FMNL2: variants seen among roughly 807,000 people sequenced by gnomAD.
FMNL2 encodes formin like 2, also known as formin-like protein 2.
In FMNL2, 51 loss-of-function variants were observed where a neutral mutation model predicts 130.2. That is an observed-to-expected ratio of 0.39 (90% CI 0.31 to 0.49). FMNL2 has a LOEUF of 0.49. FMNL2 is among the 20% of genes least tolerant of loss of function. The pLI, the probability that FMNL2 is intolerant of heterozygous loss-of-function variation, is 0.85. For missense variants in FMNL2, 977 were observed against 1,316.2 expected (o/e 0.74, Z 3.99); for synonymous variants, 465 against 467.1 (o/e 1.00, Z 0.06).
intron 1 of FMNL2, among the ~76,000 whole-genome samples, chr2:152,347,617 T>G (rs1682203370): frequency 6.6e-6 from 1 of 152,016 alleles, no homozygotes; most frequent in Non-Finnish European, 1.5e-5. Flanking sequence ...GGTACAAAAT[T>G]TATGTGCTCC....
chr2:152,615,750 C>T (rs1698913255), intron 12 of FMNL2, among the ~76,000 whole-genome samples: 2 of 152,226 alleles, frequency 1.3e-5, no homozygotes, highest in Non-Finnish European at 2.9e-5. Flanking sequence ...TTTGGTGAGT[C>T]TGGTGAGCAC....
At chr2:152,543,388 T>C (rs1694425545) in intron 3 of FMNL2, among the ~76,000 whole-genome samples, 1 of 152,090 alleles carries the variant, frequency 6.6e-6, no homozygotes, top group African/African-American at 2.4e-5. Flanking sequence ...TGGTTTAAAC[T>C]GATGCCTCGT....
intron 3 of FMNL2, among the ~76,000 whole-genome samples, chr2:152,543,079 C>T (rs1694402149): frequency 1.3e-5 from 2 of 152,228 alleles, no homozygotes; most frequent in South Asian, 2.1e-4. Flanking sequence ...TTTCCAATTA[C>T]GTAGGGCAGT....
At chr2:152,344,316 T>G (rs567922353) in intron 1 of FMNL2, among the ~76,000 whole-genome samples, 1 of 152,174 alleles carries the variant, frequency 6.6e-6, no homozygotes. Context: ...CTAGATGTTT[T>G]CCCCCTTTTT....
intron 1 of FMNL2, among the ~76,000 whole-genome samples, chr2:152,421,548 C>G (rs2106044771): frequency 6.6e-6 from 1 of 152,248 alleles, no homozygotes; most frequent in East Asian, 1.9e-4. Context: ...ACAGACATGA[C>G]TAAGAGTAGA....
rs746669363 is a variant in FMNL2, at chr2:152,619,546, G to GCCA, written c.1667_1668insACC (p.Pro573dup). On this transcript the variant is annotated inframe_insertion, in exon 15 of 26. Coordinates refer to ENST00000288670, the MANE Select transcript of FMNL2 (RefSeq NM_052905.4). Reference sequence around the variant, plus strand: ...CAGTAACACCACCTATGCCACCGCCGCCGCCGCCCCCTCCTCCACCTCCTC... The same window carrying GCCA: ...CAGTAACACCACCTATGCCACCGCCGCCACCGCCGCCCCCTCCTCCACCTCCTC... The GCCA allele has an allele frequency of 1.6e-5, 22 of 1,396,654 alleles. No individual in the cohort carries two copies. Among genetic ancestry groups the GCCA allele is most frequent in the East Asian group, 5.6e-5 (2 of 35,904 alleles). The allele number at this position is 1,396,654 out of a possible 1,614,324, so 86.5% of individuals were successfully genotyped here.
intron 1 of FMNL2, among the ~76,000 whole-genome samples, chr2:152,470,907 A>C (rs1294515140): frequency 6.6e-6 from 1 of 152,212 alleles, no homozygotes; most frequent in Non-Finnish European, 1.5e-5. Context: ...GCAGAGCAGG[A>C]ACTTTGTAGT....
intron 1 of FMNL2, among the ~76,000 whole-genome samples, chr2:152,382,218 G>T (rs1010794270): frequency 1.3e-5 from 2 of 152,172 alleles, no homozygotes; most frequent in African/African-American, 4.8e-5. Flanking sequence ...GGTACCCAAA[G>T]AACCAACTCA....
chr2:152,372,468 A>T (rs1469196859), intron 1 of FMNL2, among the ~76,000 whole-genome samples: 1 of 152,194 alleles, frequency 6.6e-6, no homozygotes, highest in East Asian at 1.9e-4. Context: ...AGAGTTTGAC[A>T]TAGGGTTCTT....
intron 1 of FMNL2, among the ~76,000 whole-genome samples, chr2:152,361,167 G>A (rs1286574545): frequency 6.6e-6 from 1 of 151,976 alleles, no homozygotes; most frequent in Non-Finnish European, 1.5e-5. Flanking sequence ...TTTGTAAAAG[G>A]CTTTTTTTTA....
At chr2:152,412,449 TA>T (rs1558840720) in intron 1 of FMNL2, among the ~76,000 whole-genome samples, 391 of 10,082 alleles carry the variant, frequency 0.039, 6 homozygotes, top group Middle Eastern at 0.1. Context: ...GTATATTTTA[TA>T]TATATATATA....
At chr2:152,545,809 A>G (rs533349359) in intron 3 of FMNL2, among the ~76,000 whole-genome samples, 70 of 152,156 alleles carry the variant, frequency 4.6e-4, no homozygotes, top group Non-Finnish European at 7.8e-4. Flanking sequence ...AAGTGTTAGC[A>G]CTCATTGTGT....
At position 152,364,259 on chromosome 2, in the gene FMNL2, G is replaced by GTTTTTTTTTTTTT. The variant is rs1163993397; in HGVS notation, c.117+28540_117+28541insTTTTTTTTTTTTT. On this transcript the variant is annotated intron_variant, in intron 1 of 25. Transcript: ENST00000288670. Reference sequence around the variant, plus strand: ...GTTTCACATCCGTTAGGAGGTTTGTGTGTTTTTTTTTTTTTTTTTTTTTTT... The same window carrying GTTTTTTTTTTTTT: ...GTTTCACATCCGTTAGGAGGTTTGTGTTTTTTTTTTTTTTGTTTTTTTTTTTTTTTTTTTTTTT... Among the ~76,000 whole-genome samples, 18 of 100,758 alleles carry GTTTTTTTTTTTTT rather than the reference G, an allele frequency of 1.8e-4. 1 individual carries two copies. Among genetic ancestry groups the GTTTTTTTTTTTTT allele is most frequent in the South Asian group, 3.3e-4 (1 of 3,010 alleles). 66.1% of individuals were successfully genotyped at this position (100,758 alleles called of 152,430 possible).
At chr2:152,518,707 T>C (rs113331887) in intron 1 of FMNL2, among the ~76,000 whole-genome samples, 74 of 152,286 alleles carry the variant, frequency 4.9e-4, no homozygotes, top group African/African-American at 1.7e-3. Flanking sequence ...TTTCACTTAA[T>C]ATTTCTGACA....
In FMNL2 at chr2:152,358,714, C is replaced by A. The variant is rs1579471337; in HGVS notation, c.117+22994C>A. On this transcript the variant is annotated intron_variant, in intron 1 of 25. Transcript: ENST00000288670. ...ATTAGTTCTGTTCCTTTAGAGAACC[C>A]TGATGAATACAATAACTACTGCAAA... is the stretch of plus-strand genomic sequence containing the variant. 2.0e-5 allele frequency among the ~76,000 whole-genome samples: 3 copies of A among 152,112 alleles called. No homozygotes were observed. The South Asian group carries it at 6.2e-4, about 32-fold the overall frequency.
chr2:152,427,003 G>A (rs1027152998), intron 1 of FMNL2, among the ~76,000 whole-genome samples: 2 of 152,198 alleles, frequency 1.3e-5, no homozygotes, highest in Non-Finnish European at 2.9e-5. Context: ...CACATGGCAT[G>A]TAATAGCGAG....
intron 25 of FMNL2, among the ~76,000 whole-genome samples, chr2:152,641,638 A>G (rs762262581): frequency 6.6e-6 from 1 of 152,218 alleles, no homozygotes; most frequent in Admixed American, 6.5e-5. Flanking sequence ...TACTGAAAAT[A>G]GTATGATGAG....
Position 152,464,509 on chromosome 2 carries a change from T to C in FMNL2, c.118-57434T>C, listed in dbSNP as rs74964083. On this transcript the variant is annotated intron_variant, in intron 1 of 25. Coordinates refer to ENST00000288670, the MANE Select transcript of FMNL2 (RefSeq NM_052905.4). ...TGAAATTTGTCCACTCCAGTGAAAT[T>C]GTTTGGGGGAGAAGGGAGCAGAGTA... is the stretch of plus-strand genomic sequence containing the variant. Among the ~76,000 whole-genome samples, 1,293 of 152,264 alleles carry C rather than the reference T, an allele frequency of 8.5e-3. 5 individuals carry two copies. Among genetic ancestry groups the C allele is most frequent in the Non-Finnish European group, 0.015 (1,040 of 68,012 alleles).
intron 1 of FMNL2, among the ~76,000 whole-genome samples, chr2:152,473,172 A>G (rs746899986): frequency 3.9e-5 from 6 of 152,222 alleles, no homozygotes; most frequent in East Asian, 1.9e-4. Context: ...AAGAAAGGCA[A>G]TCTTTTTTTC....
Sources: gnomAD v4.1 joint callset for allele counts (sites outside exome capture counted in the v4.1 genomes callset) on GRCh38, gnomAD v4.1.1 for gene constraint, MANE v1.5 for transcripts, NCBI Gene and HGNC (gene_info 2026-07-23, HGNC 2026-07-21) for gene names.